Variants in MYOM3 observed in about 807,000 individuals in gnomAD.
The protein encoded by MYOM3 is myomesin-3.
Under a neutral mutation model 191.7 loss-of-function variants are expected in MYOM3, and 155 were observed. That is an observed-to-expected ratio of 0.81 (90% CI 0.71 to 0.92). The LOEUF (loss-of-function observed/expected upper bound fraction) is 0.92. Among genes scored for constraint, MYOM3 ranks in the 40% least tolerant of loss-of-function variants. MYOM3 has a pLI of 0.00. For missense variants in MYOM3, 1,889 were observed against 1,890.6 expected, an observed-to-expected ratio of 1.00 and a Z score of 0.02; for synonymous variants, 757 against 762.9, an observed-to-expected ratio of 0.99 and a Z score of 0.13.
chr1:24,080,070 G>T lies in MYOM3; in HGVS notation c.2532C>A (p.Gly844=), dbSNP rs764782574. 1 of 1,613,986 alleles carries T rather than the reference G, an allele frequency of 6.2e-7. No homozygotes were observed. The highest frequency in any genetic ancestry group is 1.3e-5 in the African/African-American group (1 of 74,906). Residue 844 remains glycine (G), a synonymous_variant, in exon 20 of 37, where the codon GGC becomes GGA. Transcript: ENST00000374434. ...GGGTGACCGGCTTCCACTGCTCAGA[G>T]CCTTCCTCCTGGAAACTGACGTGAT... The part of the protein sequence containing the change: ...TGYHVSFQEE[G]SEQWKPVTPG...
At chr1:24,061,142 C>CAGGTGGAGGTGAGGGGTGATGAAGGAA in intron 34 of MYOM3, 60 bp from the exon 35 acceptor site, 1 of 1,611,440 alleles carries the variant, frequency 6.2e-7, no homozygotes, top group Non-Finnish European at 8.5e-7. Context: ...CAGTCCAGCC[C>CAGGTGGAGGTGAGGGGTGATGAAGGAA]AGGTGGAGGT....
Position 24,072,026 on chromosome 1 carries a change from G to A in MYOM3, c.2969-13C>T. Reference sequence around the variant, plus strand: ...AGCTTCTCCAGCTCTGGGATAGGGGGAAGTGAGGAAGAAACCAGAGAGAAT... The same window carrying A: ...AGCTTCTCCAGCTCTGGGATAGGGGAAAGTGAGGAAGAAACCAGAGAGAAT... On this transcript the variant is annotated splice_polypyrimidine_tract_variant and intron_variant, in intron 23 of 36. Coordinates refer to ENST00000374434, the MANE Select transcript of MYOM3 (RefSeq NM_152372.4). 1.2e-6 allele frequency: 2 copies of A among 1,613,914 alleles called. No individual in the cohort carries two copies. Among genetic ancestry groups the A allele is most frequent in the Non-Finnish European group, 1.7e-6 (2 of 1,179,800 alleles).
In MYOM3 at chr1:24,086,805, C is replaced by A. The variant is rs572507514; in HGVS notation, c.1637G>T (p.Trp546Leu). The change falls in exon 15 of 37, where the codon TGG becomes TTG. Residue 546 changes from tryptophan to leucine, a missense_variant. By Grantham distance (61) the Trp-to-Leu change is moderately conservative. Coordinates refer to ENST00000374434, the MANE Select transcript of MYOM3 (RefSeq NM_152372.4). ...AGGGCTTTCCGAGCTGATGGCCTCCCAGGTGCCACTACCTATGACTGACTG... is the reference window on the plus strand; with the variant it reads ...AGGGCTTTCCGAGCTGATGGCCTCCAAGGTGCCACTACCTATGACTGACTG... ...LEKSVIGSGT[W>L]EAISSESPVR... The A allele has an allele frequency of 3.7e-6, 6 of 1,614,144 alleles. No homozygotes were observed. In the East Asian group the frequency reaches 1.1e-4, roughly 30 times the overall value.
rs200161481 is a variant in MYOM3, at chr1:24,065,884, C to T, written c.3534+7G>A. The T allele has an allele frequency of 1.8e-3, 2,802 of 1,590,166 alleles. 6 individuals carry two copies. The highest frequency in any genetic ancestry group is 2.3e-3 in the Non-Finnish European group (2,700 of 1,158,110). ...AAAGTGAGCCCTGAAGCTGGAGCCA[C>T]ACTTGCCTCTTCAATGCAGAGAAGT... On this transcript the variant is annotated splice_region_variant and intron_variant, in intron 29 of 36. Transcript: ENST00000374434.
At position 24,080,151 on chromosome 1, in the gene MYOM3, G is replaced by C; in HGVS notation, c.2451C>G (p.Ser817=). ...DVRASEVRAT[S]LVLQWEPPLY... is the part of the protein sequence containing the mutation. ...GTGGGGGTTCCCACTGCAGCACCAG[G>C]GATGTGGCCCGCACCTCGGATGCCC... The change falls in exon 20 of 37, where the codon TCC becomes TCG. Residue 817 remains serine (S), a synonymous_variant. Coordinates refer to ENST00000374434, the MANE Select transcript of MYOM3 (RefSeq NM_152372.4). 1 of 1,613,840 alleles carries C rather than the reference G, an allele frequency of 6.2e-7. No homozygotes were observed. Among genetic ancestry groups the C allele is most frequent in the Non-Finnish European group, 8.5e-7 (1 of 1,179,832 alleles).
chr1:24,105,697 G>T (rs978694812), intron 5 of MYOM3, among the ~76,000 whole-genome samples: 2 of 152,196 alleles, frequency 1.3e-5, no homozygotes, highest in South Asian at 4.1e-4. Context: ...AGTCAAGACT[G>T]CAGTGAGCTA....
At position 24,107,144 on chromosome 1, in the gene MYOM3, T is replaced by C. The variant is rs372167021; in HGVS notation, c.331A>G (p.Thr111Ala). ...TGGGTCTGCAGGAAGGCGATCTCAG[T>C]CCTCTCCCAGTCATTGCCGAAGCCC... ...RVGFGNDWER[T>A]EIAFLQTHRL... The change falls in exon 4 of 37, where the codon ACT (threonine) becomes GCT (alanine). Residue 111 changes from threonine (T) to alanine (A), a missense_variant. Thr to Ala is a moderately conservative substitution (Grantham distance 58). Coordinates refer to ENST00000374434, the MANE Select transcript of MYOM3 (RefSeq NM_152372.4). 28 of 1,612,482 alleles carry C rather than the reference T, an allele frequency of 1.7e-5. No individual in the cohort carries two copies. The African/African-American group carries it at 2.9e-4, about 17-fold the overall frequency.
chr1:24,110,355 C>T lies in MYOM3; in HGVS notation c.-19+1676G>A, dbSNP rs531073294. Among the ~76,000 whole-genome samples the T allele has an allele frequency of 1.5e-3, 229 of 149,518 alleles. 2 individuals are homozygous for T. The highest frequency in any genetic ancestry group is 4.5e-3 in the African/African-American group (182 of 40,386). The stretch of plus-strand genomic sequence containing the variant: ...AGGTGGCAGCGTGTGTGTGTGTGGG[C>T]GTGCATGTGTGTGTATGTGTGTGTG... On this transcript the variant is annotated intron_variant, in intron 1 of 36. Coordinates refer to ENST00000374434, the MANE Select transcript of MYOM3 (RefSeq NM_152372.4).
Position 24,068,044 on chromosome 1 carries a change from G to A in MYOM3, c.3296-15C>T. On this transcript the variant is annotated splice_polypyrimidine_tract_variant and intron_variant, in intron 26 of 36. Coordinates refer to ENST00000374434, the MANE Select transcript of MYOM3 (RefSeq NM_152372.4). Reference sequence around the variant, plus strand: ...CTTGTCAAAATCTGTGAACACAGAGGGAGGAACTGGCATGAGCCGAGAGGA... The same window carrying A: ...CTTGTCAAAATCTGTGAACACAGAGAGAGGAACTGGCATGAGCCGAGAGGA... 6.2e-7 allele frequency: 1 copy of A among 1,614,010 alleles called. No individual in the cohort carries two copies. The highest frequency in any genetic ancestry group is 8.5e-7 in the Non-Finnish European group (1 of 1,179,862).
At chr1:24,089,940 C>A in intron 13 of MYOM3, 125 bp downstream of exon 13, 1 of 994,664 alleles carries the variant, frequency 1.0e-6, no homozygotes, top group Non-Finnish European at 1.5e-6. Flanking sequence ...CTGCCTCCAA[C>A]TAGGCCCCAC....
chr1:24,084,647 A>C lies in MYOM3; in HGVS notation c.1799-8T>G. 1 of 1,607,368 alleles carries C rather than the reference A, an allele frequency of 6.2e-7. No individual in the cohort carries two copies. On this transcript the variant is annotated splice_region_variant and splice_polypyrimidine_tract_variant and intron_variant, in intron 15 of 36. Coordinates refer to ENST00000374434, the MANE Select transcript of MYOM3 (RefSeq NM_152372.4). ...CTGGAGGAGGGAGGGTAGCTAAAAA[A>C]TAGAAACATGGGCTGAATGAGAAGG...
At position 24,061,280 on chromosome 1, in the gene MYOM3, T is replaced by C; in HGVS notation, c.3964A>G (p.Arg1322Gly). 3.1e-6 allele frequency: 5 copies of C among 1,614,140 alleles called. No homozygotes were observed. Among genetic ancestry groups the C allele is most frequent in the Non-Finnish European group, 4.2e-6 (5 of 1,180,018 alleles). ...AATGTAGAGGAAACTTACTTCAGTC[T>C]CTGGTGTTCAGCCATTGCATCCTCA... ...AFEDAMAEHQ[R>G]LKTLAIIEKN... Residue 1322 changes from arginine (R) to glycine (G), a missense_variant, in exon 34 of 37, where the codon AGA becomes GGA. Transcript: ENST00000374434.
chr1:24,097,632 A>T (rs1643885438), intron 7 of MYOM3, among the ~76,000 whole-genome samples: 2 of 152,254 alleles, frequency 1.3e-5, no homozygotes, highest in South Asian at 4.1e-4. Context: ...GACTCAGGAG[A>T]GGTCAGTTCC....
rs1170335365 is a variant in MYOM3, at chr1:24,093,007, T to C, written c.1030A>G (p.Met344Val). 1.9e-6 allele frequency: 3 copies of C among 1,612,632 alleles called. No homozygotes were observed. Among genetic ancestry groups the C allele is most frequent in the Non-Finnish European group, 2.5e-6 (3 of 1,179,716 alleles). Residue 344 changes from methionine (M) to valine (V), a missense_variant, in exon 10 of 37, where the codon ATG becomes GTG. Transcript: ENST00000374434. The part of the protein sequence containing the change: ...CTYKEDEGLY[M>V]VRVPSPFGPR... ...CCGAAGGGCGAGGGCACCCGGACCA[T>C]GTAGAGCCCCTCGTCCTCCTTGTAG...
chr1:24,067,588 A>G, intron 27 of MYOM3, among the ~76,000 whole-genome samples: 1 of 151,498 alleles, frequency 6.6e-6, no homozygotes, highest in Admixed American at 6.6e-5. Flanking sequence ...CAGCCTCCTG[A>G]GTAGCTGGAA....
rs1365448406 is a variant in MYOM3, at chr1:24,081,313, G to A, written c.2407+17C>T. 2.5e-6 allele frequency: 4 copies of A among 1,612,936 alleles called. No homozygotes were observed. In the South Asian group the frequency reaches 3.3e-5, roughly 13 times the overall value. ...GGGAAGGGCAGGCACTGGACTTCAGGCCTGCAGGCCTCTCACCTGGCTGGG... is the reference window on the plus strand; with the variant it reads ...GGGAAGGGCAGGCACTGGACTTCAGACCTGCAGGCCTCTCACCTGGCTGGG... On this transcript the variant is annotated intron_variant, in intron 19 of 36. Coordinates refer to ENST00000374434, the MANE Select transcript of MYOM3 (RefSeq NM_152372.4).
In MYOM3 at chr1:24,090,925, T is replaced by C. The variant is rs6700245; in HGVS notation, c.1304A>G (p.Gln435Arg). 259,464 of 1,613,916 alleles carry C rather than the reference T, an allele frequency of 0.16. 23,185 individuals are homozygous for C. Among genetic ancestry groups the C allele is most frequent in the Middle Eastern group, 0.28 (1,725 of 6,060 alleles). The change falls in exon 12 of 37, where the codon CAA becomes CGA. Residue 435 changes from glutamine to arginine, a missense_variant. Gln to Arg is a conservative substitution (Grantham distance 43). Transcript: ENST00000374434. ...APGGTCRCPI[Q>R]GLVEGQSYRF... ...ATAGCTCTGACCTTCGACGAGGCCT[T>C]GGATTGGGCACCGACAAGTCCCTCC...
intron 16 of MYOM3, chr1:24,082,952 G>A (rs1467486350): frequency 1.5e-5 from 6 of 403,966 alleles, no homozygotes; most frequent in South Asian, 6.6e-5. Flanking sequence ...CCCTTAAAAC[G>A]CAAATACGCT....
At chr1:24,064,880 C>T (rs2148542543) in intron 29 of MYOM3, among the ~76,000 whole-genome samples, 1 of 152,302 alleles carries the variant, frequency 6.6e-6, no homozygotes, top group Non-Finnish European at 1.5e-5. Context: ...CTCACCATCC[C>T]AGGAAGTCTC....
Sources: allele counts gnomAD v4.1 joint callset (sites outside exome capture counted in the v4.1 genomes callset), GRCh38; gene constraint gnomAD v4.1.1; transcripts MANE v1.5; gene names NCBI Gene and HGNC (gene_info 2026-07-23, HGNC 2026-07-21).